The following SLC36A1 variants were observed in gnomAD, a reference collection of about 807,000 sequenced individuals.
SLC36A1 encodes proton-coupled amino acid transporter 1.
In SLC36A1, 30 loss-of-function variants were observed where a neutral mutation model predicts 47.5. The ratio of observed to expected loss-of-function variants is 0.63; its 90% CI spans 0.47 to 0.86. SLC36A1 has a LOEUF of 0.86. Among genes scored for constraint, SLC36A1 ranks in the 40% least tolerant of loss-of-function variants. SLC36A1 has a pLI of 0.00. For synonymous variants in SLC36A1, 255 were observed against 249.7 expected (o/e 1.02, Z -0.20); for missense variants, 517 against 606.0 (o/e 0.85, Z 1.54).
At chr5:151,552,613 C>T in the SLC36A1 span, among the ~76,000 whole-genome samples, 1 of 152,172 alleles carries the variant, frequency 6.6e-6, no homozygotes, top group Admixed American at 6.5e-5. Flanking sequence ...AGGACCTAAG[C>T]GTTCGTCAGA....
chr5:151,545,545 T>C, the SLC36A1 span: 1 of 1,614,184 alleles, frequency 6.2e-7, no homozygotes, highest in Non-Finnish European at 8.5e-7. Flanking sequence ...ATCTCTGACA[T>C]GAATGATGAC....
At chr5:151,539,767 C>T in the SLC36A1 span, among the ~76,000 whole-genome samples, 1 of 152,160 alleles carries the variant, frequency 6.6e-6, no homozygotes, top group South Asian at 2.1e-4. Flanking sequence ...TGGTTTATGC[C>T]TCTAGGAACA....
chr5:151,511,527 T>C, the SLC36A1 span: 1 of 152,734 alleles, frequency 6.5e-6, no homozygotes. Flanking sequence ...AGGAGACATA[T>C]AGGAGAATGC....
the SLC36A1 span, chr5:151,512,670 C>T: frequency 2.1e-6 from 3 of 1,398,776 alleles, no homozygotes; most frequent in Non-Finnish European, 2.9e-6. The surrounding 1 kb of genome is among the most constrained non-coding windows in gnomAD (Gnocchi z 4.1). Flanking sequence ...TGCTAAGAGG[C>T]TGCCAGTTCA....
chr5:151,496,698 G>T (rs967982091), downstream of SLC36A1, among the ~76,000 whole-genome samples: 1 of 152,194 alleles, frequency 6.6e-6, no homozygotes, highest in African/African-American at 2.4e-5. Context: ...TGGGACTACA[G>T]GTGCATGCCA....
At chr5:151,360,650 T>G in the SLC36A1 span, among the ~76,000 whole-genome samples, 2 of 152,228 alleles carry the variant, frequency 1.3e-5, no homozygotes, top group Non-Finnish European at 2.9e-5. Flanking sequence ...TGTTTCTATA[T>G]AGTATTGATC....
upstream of SLC36A1, among the ~76,000 whole-genome samples, chr5:151,444,731 T>G (rs1202357940): frequency 1.3e-5 from 2 of 152,198 alleles, no homozygotes; most frequent in Non-Finnish European, 2.9e-5. Context: ...GGTGACCCAC[T>G]GCCCTGGCCT....
the SLC36A1 span, chr5:151,553,147 G>C: frequency 6.2e-7 from 1 of 1,606,686 alleles, no homozygotes; most frequent in South Asian, 1.1e-5. Flanking sequence ...GGAGGGGTTG[G>C]CCCTTGTTGG....
chr5:151,368,810 T>C, the SLC36A1 span, among the ~76,000 whole-genome samples: 1 of 152,220 alleles, frequency 6.6e-6, no homozygotes, highest in Admixed American at 6.5e-5. Context: ...AATGAAGGAC[T>C]CTCAAGGACC....
At chr5:151,482,947 G>A (rs1759007221) in intron 10 of SLC36A1, among the ~76,000 whole-genome samples, 1 of 152,182 alleles carries the variant, frequency 6.6e-6, no homozygotes, top group Non-Finnish European at 1.5e-5. Flanking sequence ...TGAGGCAGGA[G>A]AATGGCATGA....
the SLC36A1 span, chr5:151,504,069 A>G: frequency 1.4e-4 from 21 of 152,482 alleles, no homozygotes; most frequent in African/African-American, 2.9e-4. Flanking sequence ...CCTGACCCCA[A>G]ACAGGCTAAA....
At chr5:151,413,918 A>G in the SLC36A1 span, among the ~76,000 whole-genome samples, 1 of 152,156 alleles carries the variant, frequency 6.6e-6, no homozygotes, top group African/African-American at 2.4e-5. Flanking sequence ...TTACAAACAT[A>G]AGATCTAAGT....
chr5:151,352,399 A>G, the SLC36A1 span, among the ~76,000 whole-genome samples: 1 of 152,188 alleles, frequency 6.6e-6, no homozygotes. Flanking sequence ...TATTCAATGA[A>G]TGAATGTGTT....
the SLC36A1 span, among the ~76,000 whole-genome samples, chr5:151,533,393 A>AACACACAC: frequency 1.3e-3 from 167 of 132,174 alleles, no homozygotes; most frequent in Middle Eastern, 3.8e-3. Context: ...TGTTATCTCC[A>AACACACAC]ACACACACAC....
chr5:151,384,056 G>A, the SLC36A1 span, among the ~76,000 whole-genome samples: 1 of 151,794 alleles, frequency 6.6e-6, no homozygotes, highest in African/African-American at 2.4e-5. Context: ...CCTATGCCAT[G>A]AAGGCAAATG....
chr5:151,366,568 C>T, the SLC36A1 span: 2 of 230,124 alleles, frequency 8.7e-6, no homozygotes, highest in Non-Finnish European at 8.9e-6. Flanking sequence ...CTCCAGGAGG[C>T]ACAGGATGAT....
the SLC36A1 span, among the ~76,000 whole-genome samples, chr5:151,368,969 A>G: frequency 6.6e-6 from 1 of 152,204 alleles, no homozygotes; most frequent in African/African-American, 2.4e-5. Flanking sequence ...AACCTTTACC[A>G]GCTGATACGC....
At chr5:151,536,630 C>T in the SLC36A1 span, among the ~76,000 whole-genome samples, 1 of 152,228 alleles carries the variant, frequency 6.6e-6, no homozygotes, top group South Asian at 2.1e-4. Flanking sequence ...CTGCAGGAAT[C>T]TCTGCTTCCC....
the SLC36A1 span, among the ~76,000 whole-genome samples, chr5:151,514,886 G>A: frequency 3.3e-5 from 5 of 152,022 alleles, no homozygotes; most frequent in Admixed American, 6.6e-5. Flanking sequence ...ATCTTTGTTC[G>A]TTCACCACTA....
Sources: allele counts gnomAD v4.1 joint callset (sites outside exome capture counted in the v4.1 genomes callset), GRCh38; gene constraint gnomAD v4.1.1; non-coding constraint Gnocchi (gnomAD v3.1); transcripts MANE v1.5; gene names NCBI Gene and HGNC (gene_info 2026-07-23, HGNC 2026-07-21).